SEPTIN3: variants seen among roughly 807,000 people sequenced by gnomAD.
SEPTIN3 encodes neuronal-specific septin-3.
Under a neutral mutation model 45.1 loss-of-function variants are expected in SEPTIN3, and 15 were observed. The observed-to-expected ratio is 0.33, with a 90% CI of 0.22 to 0.51. The LOEUF (loss-of-function observed/expected upper bound fraction) is 0.51. SEPTIN3 is among the 20% of genes least tolerant of loss of function. The pLI is 0.97. For missense variants in SEPTIN3, 289 were observed against 457.2 expected (o/e 0.63, Z 3.35); for synonymous variants, 148 against 164.8 (o/e 0.90, Z 0.78).
In SEPTIN3 at chr22:41,997,534, C is replaced by T. The variant is rs1382560705; in HGVS notation, c.*567C>T. The T allele has an allele frequency of 1.3e-5, 2 of 152,354 alleles. No individual in the cohort carries two copies. The highest frequency in any genetic ancestry group is 2.9e-5 in the Non-Finnish European group (2 of 68,142). The allele number at this position is 152,354 out of a possible 1,614,324, so 9.4% of individuals were successfully genotyped here. A position where few individuals can be genotyped will look rare whatever the true frequency, so the allele number is the denominator to read the frequency against. On this transcript the variant is annotated 3_prime_UTR_variant, in exon 12 of 12. Coordinates refer to ENST00000644076, the MANE Select transcript of SEPTIN3 (RefSeq NM_001363845.2). ...TAAAAAATCACCACTTGTGGCTGTC[C>T]CAGAGTGCGGTTGTACATCCTCCCC...
rs2078033771 is a variant in SEPTIN3 at position 41,976,904 on chromosome 22, G to A, written c.1504+3908G>A. 3 of 270,906 alleles carry A rather than the reference G, an allele frequency of 1.1e-5. No homozygotes were observed. Among genetic ancestry groups the A allele is most frequent in the Non-Finnish European group, 1.7e-5 (3 of 173,756 alleles). 16.8% of individuals were successfully genotyped at this position (270,906 alleles called of 1,614,324 possible). ...GGGCGCGGCGGCGCGGGGCGCAGGGGCGGCGCGGCGGGGCCGCGGGCCGGG... is the reference window on the plus strand; with the variant it reads ...GGGCGCGGCGGCGCGGGGCGCAGGGACGGCGCGGCGGGGCCGCGGGCCGGG... On this transcript the variant is annotated intron_variant, in intron 2 of 11. Transcript: ENST00000644076. This position sits in a 1 kb window ranked among gnomAD's most constrained non-coding sequence, Gnocchi z 5.8.
chr22:41,980,008 A>G (rs1488448919), intron 2 of SEPTIN3, among the ~76,000 whole-genome samples: 1 of 152,154 alleles, frequency 6.6e-6, no homozygotes, highest in Non-Finnish European at 1.5e-5. Context: ...ATGCTTGTGT[A>G]ACTGGCATCT....
chr22:41,970,480 T>C (rs1402081824), intron 1 of SEPTIN3, among the ~76,000 whole-genome samples: 1 of 152,158 alleles, frequency 6.6e-6, no homozygotes, highest in Non-Finnish European at 1.5e-5. Context: ...TCTGTTCCCA[T>C]CTGATCCCTC....
chr22:41,974,860 G>GAAAAAAAAAAAAAA (rs55642127), intron 2 of SEPTIN3, among the ~76,000 whole-genome samples: 2 of 74,290 alleles, frequency 2.7e-5, no homozygotes, highest in African/African-American at 5.1e-5. Context: ...GTCTCAAAAA[G>GAAAAAAAAAAAAAA]AAAAAAAAAA....
Position 41,994,920 on chromosome 22 carries a change from T to TGA in SEPTIN3, c.2505+207_2505+208insAG. ...GTGTGTGTGTGTGTGTGTGTGTGTGTGTGACAGAGAGAGAGCGAGAGAGCC... is the reference window on the plus strand; with the variant it reads ...GTGTGTGTGTGTGTGTGTGTGTGTGTGAGTGACAGAGAGAGAGCGAGAGAGCC... On this transcript the variant is annotated intron_variant, in intron 11 of 11. Transcript: ENST00000644076. The surrounding 1 kb of genome is among the most constrained non-coding windows in gnomAD (Gnocchi z 4.2). The TGA allele has an allele frequency of 2.1e-6, 3 of 1,433,600 alleles. No individual in the cohort carries two copies. Among genetic ancestry groups the TGA allele is most frequent in the South Asian group, 2.8e-5 (2 of 71,658 alleles). 88.8% of individuals were successfully genotyped at this position (1,433,600 alleles called of 1,614,324 possible). A position where few individuals can be genotyped will look rare whatever the true frequency, so the allele number is the denominator to read the frequency against.
chr22:41,996,706 G>C (rs1602427018), intron 11 of SEPTIN3, 196 bp from the exon 12 acceptor site: 1 of 1,456,526 alleles, frequency 6.9e-7, no homozygotes, highest in Non-Finnish European at 9.0e-7. Context: ...GGCTACTGTA[G>C]AAGCAGTCCT....
At chr22:41,985,908 G>A in intron 3 of SEPTIN3, 76 bp from the exon 4 acceptor site, 1 of 1,493,638 alleles carries the variant, frequency 6.7e-7, no homozygotes, top group Non-Finnish European at 9.0e-7. Flanking sequence ...CTAGAATTCT[G>A]TAAGCTTATG....
intron 7 of SEPTIN3, among the ~76,000 whole-genome samples, chr22:41,990,436 A>G (rs2078288411): frequency 6.6e-6 from 1 of 151,256 alleles, no homozygotes; most frequent in Non-Finnish European, 1.5e-5. Context: ...TGAAAAGACA[A>G]TTGCTGCCTT....
At chr22:41,989,838 AG>A (rs1358257383) in intron 7 of SEPTIN3, among the ~76,000 whole-genome samples, 154 bp downstream of exon 7, 5 of 151,622 alleles carry the variant, frequency 3.3e-5, no homozygotes, top group Non-Finnish European at 7.4e-5. Flanking sequence ...ACCATTCAAG[AG>A]GCTGAGGTTG....
rs1294907891 is a variant in SEPTIN3 at position 41,997,084 on chromosome 22, A to G, written c.*117A>G. 22 of 1,554,888 alleles carry G rather than the reference A, an allele frequency of 1.4e-5. No homozygotes were observed. The highest frequency in any genetic ancestry group is 1.6e-5 in the Non-Finnish European group (19 of 1,151,824). On this transcript the variant is annotated 3_prime_UTR_variant, in exon 12 of 12. Transcript: ENST00000644076. ...ACCACCACAGCCCCTCTCAGCCCTC[A>G]GTAGGTGGGAGGGGCCAGCTGCCTC...
chr22:41,989,187 GTT>G (rs938623143), intron 6 of SEPTIN3, among the ~76,000 whole-genome samples: 3 of 142,572 alleles, frequency 2.1e-5, no homozygotes, highest in Non-Finnish European at 4.6e-5. Context: ...GTTGTTGTTT[GTT>G]TTTTGTTTTT....
At chr22:41,996,447 T>C in intron 11 of SEPTIN3, 1 of 988,006 alleles carries the variant, frequency 1.0e-6, no homozygotes, top group South Asian at 4.7e-5. Flanking sequence ...ATAATCCCAG[T>C]CTTTTATCAC....
intron 6 of SEPTIN3, among the ~76,000 whole-genome samples, chr22:41,988,511 A>G (rs2078246546): frequency 6.6e-6 from 1 of 152,076 alleles, no homozygotes; most frequent in South Asian, 2.1e-4. Context: ...GTAAGCCCCA[A>G]ATTTTCTAGG....
At chr22:41,977,097 C>T (rs745454667) in intron 2 of SEPTIN3, 3 of 1,586,886 alleles carry the variant, frequency 1.9e-6, no homozygotes, top group South Asian at 1.1e-5. Context: ...GCCAGGCCAC[C>T]GGCACCCGCC....
intron 1 of SEPTIN3, among the ~76,000 whole-genome samples, chr22:41,970,551 C>T (rs1050935012): frequency 6.6e-6 from 1 of 152,152 alleles, no homozygotes; most frequent in Non-Finnish European, 1.5e-5. Context: ...ATTCCCTGGC[C>T]TAAACTTTGC....
chr22:41,996,282 G>GT, intron 11 of SEPTIN3: 1 of 985,238 alleles, frequency 1.0e-6, no homozygotes, highest in Non-Finnish European at 1.2e-6. Context: ...CCTTTAATCT[G>GT]TAAGATTCAT....
intron 7 of SEPTIN3, among the ~76,000 whole-genome samples, chr22:41,991,019 G>A (rs1268679634): frequency 6.6e-5 from 10 of 152,250 alleles, no homozygotes; most frequent in South Asian, 4.1e-4. Context: ...AGCCAAGATC[G>A]CACCACGGTA....
chr22:41,980,321 A>G (rs2078101911), intron 2 of SEPTIN3, among the ~76,000 whole-genome samples: 1 of 152,046 alleles, frequency 6.6e-6, no homozygotes, highest in Non-Finnish European at 1.5e-5. Flanking sequence ...TATTTTTAAT[A>G]GAGACAGGGT....
intron 8 of SEPTIN3, 115 bp downstream of exon 8, chr22:41,991,783 G>C (rs2078322347): frequency 1.3e-6 from 1 of 774,168 alleles, no homozygotes; most frequent in African/African-American, 1.7e-5. Flanking sequence ...AACCTTGCCT[G>C]ACCCAGACCA....
Sources: allele counts gnomAD v4.1 joint callset (sites outside exome capture counted in the v4.1 genomes callset), GRCh38; gene constraint gnomAD v4.1.1; non-coding constraint Gnocchi (gnomAD v3.1); transcripts MANE v1.5; gene names NCBI Gene and HGNC (gene_info 2026-07-23, HGNC 2026-07-21).